The following CNTN5 variants were observed in gnomAD, a reference collection of about 807,000 sequenced individuals.
CNTN5 encodes contactin-5.
A neutral mutation model predicts 129.1 loss-of-function variants in CNTN5; 77 were observed. The observed-to-expected ratio is 0.60, with a 90% CI of 0.50 to 0.72. The LOEUF (loss-of-function observed/expected upper bound fraction) is 0.72. Among genes scored for constraint, CNTN5 ranks in the 30% least tolerant of loss-of-function variants. CNTN5 has a pLI of 0.00. For missense variants in CNTN5, 1,478 were observed against 1,328.8 expected (o/e 1.11, Z -1.75); for synonymous variants, 509 against 465.6 (o/e 1.09, Z -1.20).
intron 2 of CNTN5, among the ~76,000 whole-genome samples, chr11:99,389,232 T>C (rs1941105500): frequency 6.6e-6 from 1 of 151,956 alleles, no homozygotes; most frequent in Non-Finnish European, 1.5e-5. Context: ...TTCACCATGT[T>C]GACTAGGCTG....
At chr11:99,330,192 AGGAGGAAG>A (rs1865944830) in intron 2 of CNTN5, among the ~76,000 whole-genome samples, 2 of 148,840 alleles carry the variant, frequency 1.3e-5, no homozygotes, top group Non-Finnish European at 3.0e-5. Context: ...GAGGGAGGCA[AGGAGGAAG>A]GGAGGAAGGA....
chr11:99,973,277 C>T (rs1374330565), intron 8 of CNTN5, among the ~76,000 whole-genome samples: 2 of 151,964 alleles, frequency 1.3e-5, no homozygotes, highest in Non-Finnish European at 2.9e-5. Context: ...TTCAGGTGGT[C>T]GCAGTATTTC....
At chr11:99,682,363 A>T (rs1402282291) in intron 3 of CNTN5, among the ~76,000 whole-genome samples, 2 of 151,982 alleles carry the variant, frequency 1.3e-5, no homozygotes, top group Non-Finnish European at 2.9e-5. Context: ...TAGGTGAGTC[A>T]AAGAATACTA....
At chr11:100,346,928 G>A (rs907703970) in intron 23 of CNTN5, among the ~76,000 whole-genome samples, 1 of 152,124 alleles carries the variant, frequency 6.6e-6, no homozygotes, top group Non-Finnish European at 1.5e-5. Flanking sequence ...CAGCAGACAA[G>A]AGAAGAGAAC....
At chr11:100,049,564 A>G (rs1051635902) in intron 9 of CNTN5, among the ~76,000 whole-genome samples, 1 of 152,144 alleles carries the variant, frequency 6.6e-6, no homozygotes, top group South Asian at 2.1e-4. Context: ...AAAGAAAAAC[A>G]TTGTCAGACT....
At chr11:99,722,382 A>G (rs897868532) in intron 3 of CNTN5, among the ~76,000 whole-genome samples, 1 of 152,160 alleles carries the variant, frequency 6.6e-6, no homozygotes, top group African/African-American at 2.4e-5. Flanking sequence ...AATGCAGGAC[A>G]GAAAACCAAA....
chr11:99,361,701 C>T (rs984309745), intron 2 of CNTN5, among the ~76,000 whole-genome samples: 1 of 151,922 alleles, frequency 6.6e-6, no homozygotes, highest in African/African-American at 2.4e-5. Context: ...CTGAATTTAC[C>T]TTCTAGGTTC....
intron 3 of CNTN5, among the ~76,000 whole-genome samples, chr11:99,619,662 T>A (rs1469825273): frequency 6.6e-6 from 1 of 152,080 alleles, no homozygotes; most frequent in African/African-American, 2.4e-5. Flanking sequence ...AGTAAATAAG[T>A]TGGTTTTTCT....
chr11:99,725,131 T>C (rs2135054900), intron 3 of CNTN5, among the ~76,000 whole-genome samples: 1 of 152,306 alleles, frequency 6.6e-6, no homozygotes, highest in South Asian at 2.1e-4. Flanking sequence ...GATGTGAAAC[T>C]TCTCTTTCAC....
chr11:99,956,767 A>T, intron 7 of CNTN5, 39 bp from the exon 8 acceptor site: 1 of 1,512,312 alleles, frequency 6.6e-7, no homozygotes, highest in Non-Finnish European at 9.2e-7. Context: ...TAATGAAAAA[A>T]TCAAAGTCTT....
At position 99,089,681 on chromosome 11, in the gene CNTN5, G is replaced by A. The variant is rs568351143; in HGVS notation, c.-210+68411G>A. On this transcript the variant is annotated intron_variant, in intron 1 of 24. Coordinates refer to ENST00000524871, the MANE Select transcript of CNTN5 (RefSeq NM_014361.4). ...CCATGTTATCATTAGAAATACATTG[G>A]TAATTTTAAAGTATCTAAGTGTATT... 2.0e-5 allele frequency among the ~76,000 whole-genome samples: 3 copies of A among 152,288 alleles called. No individual in the cohort carries two copies. In the South Asian group the frequency reaches 6.2e-4, roughly 32 times the overall value.
intron 4 of CNTN5, among the ~76,000 whole-genome samples, chr11:99,843,149 A>G (rs1427943083): frequency 6.6e-6 from 1 of 152,152 alleles, no homozygotes; most frequent in Non-Finnish European, 1.5e-5. Flanking sequence ...GCTTGAACCT[A>G]GGAGGCAGAG....
At chr11:99,425,002 C>A (rs1943056006) in intron 2 of CNTN5, among the ~76,000 whole-genome samples, 1 of 152,258 alleles carries the variant, frequency 6.6e-6, no homozygotes. Context: ...AGAGAGGAAA[C>A]CCATAGTGGG....
intron 21 of CNTN5, among the ~76,000 whole-genome samples, chr11:100,329,899 G>C (rs1289193961): frequency 1.3e-5 from 2 of 152,088 alleles, no homozygotes; most frequent in Non-Finnish European, 2.9e-5. Flanking sequence ...AACAATTCTG[G>C]TAATATGACA....
At chr11:100,239,946 AATT>A (rs1455478269) in intron 16 of CNTN5, among the ~76,000 whole-genome samples, 9 of 152,240 alleles carry the variant, frequency 5.9e-5, no homozygotes, top group African/African-American at 1.9e-4. Flanking sequence ...TGATTCATAT[AATT>A]ATTTCTTTCA....
intron 2 of CNTN5, among the ~76,000 whole-genome samples, chr11:99,506,763 G>A (rs1253692382): frequency 2.0e-5 from 3 of 152,032 alleles, no homozygotes; most frequent in South Asian, 2.1e-4. Context: ...AGTAATTGTA[G>A]GAATATATTT....
chr11:99,397,080 A>G (rs1163133910), intron 2 of CNTN5, among the ~76,000 whole-genome samples: 1 of 151,740 alleles, frequency 6.6e-6, no homozygotes, highest in East Asian at 1.9e-4. Flanking sequence ...TCTGATGCCA[A>G]TGGCCAGTCC....
chr11:100,095,785 A>G (rs2138028853), intron 13 of CNTN5, among the ~76,000 whole-genome samples: 1 of 151,990 alleles, frequency 6.6e-6, no homozygotes, highest in African/African-American at 2.4e-5. Context: ...AATTAAAGAA[A>G]ATACTTAGTC....
At chr11:99,970,254 A>G (rs1488731143) in intron 8 of CNTN5, among the ~76,000 whole-genome samples, 1 of 152,226 alleles carries the variant, frequency 6.6e-6, no homozygotes, top group East Asian at 1.9e-4. Flanking sequence ...TCCAAAACAC[A>G]CTGTCAAAAA....
Sources: allele counts gnomAD v4.1 joint callset (sites outside exome capture counted in the v4.1 genomes callset), GRCh38; gene constraint gnomAD v4.1.1; transcripts MANE v1.5; gene names NCBI Gene and HGNC (gene_info 2026-07-23, HGNC 2026-07-21).